SLC30A8: variants seen among roughly 807,000 people sequenced by gnomAD.
SLC30A8 encodes solute carrier family 30 member 8, also known as proton-coupled zinc antiporter SLC30A8.
In SLC30A8, 27 loss-of-function variants were observed where a neutral mutation model predicts 36.9. That is an observed-to-expected ratio of 0.73 (90% CI 0.54 to 1.01). The LOEUF is 1.01. SLC30A8 is among the 50% of genes least tolerant of loss of function. The probability of loss-of-function intolerance (pLI) is 0.00; values close to 1 mark genes in which losing one functional copy is unlikely to be tolerated. For synonymous variants in SLC30A8, 164 were observed against 172.4 expected, an observed-to-expected ratio of 0.95 and a Z score of 0.38; for missense variants, 439 against 452.0, an observed-to-expected ratio of 0.97 and a Z score of 0.26.
chr8:117,053,924 T>A (rs553094757), intron 2 of SLC30A8, among the ~76,000 whole-genome samples: 2 of 152,190 alleles, frequency 1.3e-5, no homozygotes, highest in African/African-American at 4.8e-5. Flanking sequence ...TTCAGAGTTA[T>A]GGAAGTGAGC....
chr8:117,159,825 C>A (rs1822684793), intron 4 of SLC30A8, among the ~76,000 whole-genome samples: 1 of 152,182 alleles, frequency 6.6e-6, no homozygotes, highest in African/African-American at 2.4e-5. Context: ...ATGAAGGCTA[C>A]AAACCTACCC....
intron 2 of SLC30A8, among the ~76,000 whole-genome samples, chr8:117,087,890 T>G (rs2098480840): frequency 6.6e-6 from 1 of 152,122 alleles, no homozygotes. Context: ...TACTTCTTCC[T>G]GTGTAGCTAT....
At chr8:117,017,618 G>T (rs909715235) in intron 1 of SLC30A8, among the ~76,000 whole-genome samples, 1 of 152,206 alleles carries the variant, frequency 6.6e-6, no homozygotes, top group Non-Finnish European at 1.5e-5. Context: ...GTTCAGGCAG[G>T]TGGAGAATAA....
At chr8:117,026,159 G>A (rs970115463) in intron 1 of SLC30A8, among the ~76,000 whole-genome samples, 1 of 152,080 alleles carries the variant, frequency 6.6e-6, no homozygotes, top group Non-Finnish European at 1.5e-5. Context: ...GGCTGACTTT[G>A]GTGTGCTTCA....
chr8:117,100,276 G>C (rs1267593661), intron 2 of SLC30A8, among the ~76,000 whole-genome samples: 1 of 151,948 alleles, frequency 6.6e-6, no homozygotes, highest in East Asian at 1.9e-4. Context: ...AAGGATGTAA[G>C]TTGTTAAGTA....
chr8:117,097,836 A>G (rs1217279635), intron 2 of SLC30A8, among the ~76,000 whole-genome samples: 1 of 96,886 alleles, frequency 1.0e-5, no homozygotes, highest in Admixed American at 1.6e-4. Context: ...TATATATAAT[A>G]TATAATTTTA....
Position 117,173,022 on chromosome 8 carries a change from G to T in SLC30A8, c.*341G>T, listed in dbSNP as rs1198097583. The T allele has an allele frequency of 2.8e-5, 6 of 213,878 alleles. No homozygotes were observed. The highest frequency in any genetic ancestry group is 5.6e-5 in the Non-Finnish European group (6 of 107,884). The allele number at this position is 213,878 out of a possible 1,614,324, so 13.2% of individuals were successfully genotyped here. On this transcript the variant is annotated 3_prime_UTR_variant, in exon 8 of 8. Transcript: ENST00000456015. The stretch of plus-strand genomic sequence containing the variant: ...ATCTTGAGAACACATAGGTAAATTT[G>T]AACTCAGGAAAGTCTTACTAGAAAT...
intron 2 of SLC30A8, among the ~76,000 whole-genome samples, chr8:117,147,375 T>C (rs1208015961): frequency 6.6e-6 from 1 of 152,208 alleles, no homozygotes; most frequent in East Asian, 1.9e-4. Context: ...AGGGAGTGTT[T>C]TGTACAATGC....
intron 1 of SLC30A8, among the ~76,000 whole-genome samples, chr8:117,037,119 T>A (rs1030639655): frequency 8.5e-5 from 13 of 152,328 alleles, no homozygotes; most frequent in Middle Eastern, 3.4e-3. Flanking sequence ...CTTTCTATTC[T>A]CACCTTTAAA....
intron 1 of SLC30A8, among the ~76,000 whole-genome samples, chr8:116,999,341 G>A (rs547772443): frequency 4.0e-4 from 61 of 152,248 alleles, no homozygotes; most frequent in African/African-American, 1.4e-3. Context: ...GGCTGGGTGT[G>A]GAAGGCATGT....
chr8:117,130,296 C>T (rs1821075526), upstream of SLC30A8: 1 of 151,930 alleles, frequency 6.6e-6, no homozygotes, highest in African/African-American at 2.4e-5. Context: ...GGACTATCTC[C>T]TGAGAGAAAG....
In SLC30A8 at chr8:117,146,924, ACTT is replaced by A. The variant is rs766175372; in HGVS notation, c.72-26_72-24del. ...GAGTGGCTTGTTTGCAACTATGTTC[ACTT>A]CTTGCTTCTGTCAAACTCATCCATA... On this transcript the variant is annotated intron_variant, in intron 1 of 7. Transcript: ENST00000456015. The A allele has an allele frequency of 1.2e-5, 19 of 1,612,534 alleles. No homozygotes were observed. In the African/African-American group the frequency reaches 2.3e-4, roughly 19 times the overall value.
At chr8:117,014,907 T>G (rs999929685) in intron 1 of SLC30A8, among the ~76,000 whole-genome samples, 1 of 152,134 alleles carries the variant, frequency 6.6e-6, no homozygotes, top group Non-Finnish European at 1.5e-5. Context: ...TCTTCTCTGC[T>G]AATATCTGTT....
At chr8:117,136,403 TAGA>T (rs1162333055) in intron 1 of SLC30A8, among the ~76,000 whole-genome samples, 1 of 151,958 alleles carries the variant, frequency 6.6e-6, no homozygotes. Context: ...GAATTGATGT[TAGA>T]AGAAGAATTT....
At chr8:116,989,291 C>G (rs1274910200) in intron 1 of SLC30A8, among the ~76,000 whole-genome samples, 1 of 152,082 alleles carries the variant, frequency 6.6e-6, no homozygotes, top group African/African-American at 2.4e-5. Flanking sequence ...TGTTAGGTGT[C>G]TATTTATGCA....
chr8:116,961,960 A>G (rs888039842), intron 1 of SLC30A8, among the ~76,000 whole-genome samples: 1 of 151,972 alleles, frequency 6.6e-6, no homozygotes, highest in Admixed American at 6.6e-5. Flanking sequence ...TGCATTAGGG[A>G]TTAAGTTTCT....
At chr8:117,049,399 T>C (rs933107401) in intron 2 of SLC30A8, among the ~76,000 whole-genome samples, 20 of 152,204 alleles carry the variant, frequency 1.3e-4, no homozygotes, top group Non-Finnish European at 2.2e-4. Flanking sequence ...CACGTTCTAT[T>C]GCCTCTCCAA....
At chr8:116,991,890 CTGA>C (rs1273297679) in intron 1 of SLC30A8, among the ~76,000 whole-genome samples, 1 of 152,202 alleles carries the variant, frequency 6.6e-6, no homozygotes, top group Non-Finnish European at 1.5e-5. Context: ...ACAGCCACAT[CTGA>C]TGATGCTTAT....
chr8:116,976,150 C>G (rs1814997354), intron 1 of SLC30A8, among the ~76,000 whole-genome samples: 2 of 151,890 alleles, frequency 1.3e-5, no homozygotes, highest in Non-Finnish European at 2.9e-5. Context: ...GAAATCCCAT[C>G]TCTACTTAAA....
Sources: gnomAD v4.1 joint callset for allele counts (sites outside exome capture counted in the v4.1 genomes callset) on GRCh38, gnomAD v4.1.1 for gene constraint, MANE v1.5 for transcripts, NCBI Gene and HGNC (gene_info 2026-07-23, HGNC 2026-07-21) for gene names.